The following ZNF787 variants were observed in gnomAD, a reference collection of about 807,000 sequenced individuals.
ZNF787 encodes the protein TTF-I-interacting peptide 20.
Under a neutral mutation model 16.9 loss-of-function variants are expected in ZNF787, and 7 were observed. That is an observed-to-expected ratio of 0.42 (90% confidence interval 0.24 to 0.78). The LOEUF is 0.78. ZNF787 is among the 30% of genes least tolerant of loss of function. The probability of loss-of-function intolerance (pLI) is 0.30; values close to 1 mark genes in which losing one functional copy is unlikely to be tolerated. For missense variants in ZNF787, 551 were observed against 589.3 expected, an observed-to-expected ratio of 0.94 and a Z score of 0.67; for synonymous variants, 345 against 270.9, an observed-to-expected ratio of 1.27 and a Z score of -2.69.
rs1568528301 is a variant in ZNF787, at chr19:56,100,959, AG to A, written c.79+2179del. The stretch of plus-strand genomic sequence containing the variant: ...ACGATGTCTGTCACTGTCACATAGG[AG>A]GGACGCACGTAGGCGGGACTCCACA... On this transcript the variant is annotated intron_variant, in intron 2 of 2. Transcript: ENST00000610935. Among the ~76,000 whole-genome samples the A allele has an allele frequency of 3.1e-3, 408 of 129,784 alleles. 13 individuals carry two copies. The highest frequency in any genetic ancestry group is 0.011 in the African/African-American group (382 of 33,316). The allele number at this position is 129,784 out of a possible 152,430, so 85.1% of individuals were successfully genotyped here.
intron 1 of ZNF787, among the ~76,000 whole-genome samples, chr19:56,110,831 G>A (rs1301511989): frequency 1.3e-5 from 2 of 152,196 alleles, no homozygotes; most frequent in African/African-American, 4.8e-5. Context: ...AGCCTGCCCA[G>A]AGGCCAGCAG....
intron 2 of ZNF787, among the ~76,000 whole-genome samples, chr19:56,100,251 C>T (rs1242530926): frequency 6.6e-6 from 1 of 152,142 alleles, no homozygotes; most frequent in Non-Finnish European, 1.5e-5. Flanking sequence ...CTGCCTCCAA[C>T]ACAGGACATA....
intron 2 of ZNF787, among the ~76,000 whole-genome samples, chr19:56,096,349 G>T (rs1371978929): frequency 6.6e-6 from 1 of 152,070 alleles, no homozygotes; most frequent in African/African-American, 2.4e-5. Flanking sequence ...AGCCCAGGGG[G>T]TCAAGGCTGC....
At chr19:56,098,985 C>T (rs1233257151) in intron 2 of ZNF787, among the ~76,000 whole-genome samples, 2 of 152,172 alleles carry the variant, frequency 1.3e-5, no homozygotes, top group African/African-American at 2.4e-5. Context: ...GGCACTGCCT[C>T]GGTGTGGCCA....
At chr19:56,105,589 G>A (rs1211475134) in intron 1 of ZNF787, 1 of 151,500 alleles carries the variant, frequency 6.6e-6, no homozygotes, top group East Asian at 2.0e-4. Context: ...CAGGAGGCAG[G>A]GGCTGTAACC....
At chr19:56,106,398 G>T (rs1332511066) in intron 1 of ZNF787, among the ~76,000 whole-genome samples, 1 of 152,336 alleles carries the variant, frequency 6.6e-6, no homozygotes, top group South Asian at 2.1e-4. Context: ...CTTCAACGCC[G>T]CGTCCATCCA....
At chr19:56,105,397 G>C (rs1011939232) in intron 1 of ZNF787, 4 of 152,106 alleles carry the variant, frequency 2.6e-5, no homozygotes, top group Non-Finnish European at 5.9e-5. Flanking sequence ...CCGAATAAGG[G>C]CAATTTAAAA....
intron 1 of ZNF787, among the ~76,000 whole-genome samples, chr19:56,109,539 C>T (rs2029919067): frequency 6.6e-6 from 1 of 152,190 alleles, no homozygotes; most frequent in Admixed American, 6.5e-5. Context: ...GGCATAGAAG[C>T]CCTCAGGTCT....
At chr19:56,089,782 A>T (rs2123388101) in intron 2 of ZNF787, among the ~76,000 whole-genome samples, 2 of 152,304 alleles carry the variant, frequency 1.3e-5, no homozygotes, top group Admixed American at 1.3e-4. Flanking sequence ...ATTCGGGCAC[A>T]CAGGGCTTTG....
chr19:56,112,881 C>A (rs868045600), intron 1 of ZNF787, among the ~76,000 whole-genome samples: 1 of 136,674 alleles, frequency 7.3e-6, no homozygotes, highest in Admixed American at 7.1e-5. Flanking sequence ...CAGCCGTTCC[C>A]CCCACCCCAC....
intron 1 of ZNF787, among the ~76,000 whole-genome samples, chr19:56,111,152 T>C (rs1345330126): frequency 2.0e-5 from 3 of 152,226 alleles, no homozygotes; most frequent in South Asian, 2.1e-4. Flanking sequence ...CTGACCCTGA[T>C]GTAAATAAAG....
chr19:56,097,432 C>T (rs576164362), intron 2 of ZNF787, among the ~76,000 whole-genome samples: 5 of 152,232 alleles, frequency 3.3e-5, no homozygotes, highest in African/African-American at 4.8e-5. Flanking sequence ...CCGTGCTACA[C>T]GTGGGAAACG....
intron 1 of ZNF787, among the ~76,000 whole-genome samples, chr19:56,116,237 C>A (rs1260601483): frequency 1.3e-5 from 2 of 151,938 alleles, no homozygotes; most frequent in Non-Finnish European, 2.9e-5. Flanking sequence ...GTCAGGAGAT[C>A]GAGACCATCC....
chr19:56,099,113 C>A (rs1447946319), intron 2 of ZNF787, among the ~76,000 whole-genome samples: 1 of 152,220 alleles, frequency 6.6e-6, no homozygotes, highest in Non-Finnish European at 1.5e-5. Context: ...GGCTAGGCCA[C>A]TGCTGTCCGG....
At chr19:56,096,254 A>T (rs1233473120) in intron 2 of ZNF787, among the ~76,000 whole-genome samples, 2 of 114,444 alleles carry the variant, frequency 1.7e-5, no homozygotes, top group African/African-American at 3.3e-5. Context: ...ATAAAAAAAT[A>T]AAAAAAATAA....
chr19:56,093,855 T>C (rs1474217487), intron 2 of ZNF787, among the ~76,000 whole-genome samples: 1 of 152,236 alleles, frequency 6.6e-6, no homozygotes, highest in Non-Finnish European at 1.5e-5. Context: ...ATCTGTGATT[T>C]GCTCTTTCAA....
intron 2 of ZNF787, among the ~76,000 whole-genome samples, chr19:56,095,276 T>C (rs1287518825): frequency 6.6e-6 from 1 of 152,200 alleles, no homozygotes; most frequent in East Asian, 1.9e-4. Context: ...GCCCAGTTCC[T>C]AACAGGCCAC....
At chr19:56,092,207 A>G (rs909874664) in intron 2 of ZNF787, among the ~76,000 whole-genome samples, 6 of 152,084 alleles carry the variant, frequency 3.9e-5, no homozygotes, top group Admixed American at 6.5e-5. Context: ...ATAAGAAACA[A>G]TGAGGGCCGG....
At chr19:56,103,011 G>A (rs369766705) in intron 2 of ZNF787, 128 bp downstream of exon 2, 1 of 989,074 alleles carries the variant, frequency 1.0e-6, no homozygotes, top group South Asian at 1.3e-5. Context: ...GGGAGGCCAG[G>A]GTCGGGTGGT....
Sources: gnomAD v4.1 joint callset for allele counts (sites outside exome capture counted in the v4.1 genomes callset) on GRCh38, gnomAD v4.1.1 for gene constraint, MANE v1.5 for transcripts, NCBI Gene and HGNC (gene_info 2026-07-23, HGNC 2026-07-21) for gene names.